CNTN5: variants seen among roughly 807,000 people sequenced by gnomAD.
CNTN5 encodes the protein contactin 5, also known as contactin-5.
In CNTN5, 77 loss-of-function variants were observed where a neutral mutation model predicts 129.1. The observed-to-expected ratio is 0.60, with a 90% confidence interval of 0.50 to 0.72. The LOEUF (loss-of-function observed/expected upper bound fraction) is 0.72. Ranked by LOEUF, CNTN5 falls within the 30% of genes least tolerant of loss-of-function variation. CNTN5 has a pLI of 0.00. For missense variants in CNTN5, 1,478 were observed against 1,328.8 expected, an observed-to-expected ratio of 1.11 and a Z score of -1.75; for synonymous variants, 509 against 465.6, an observed-to-expected ratio of 1.09 and a Z score of -1.20.
intron 16 of CNTN5, among the ~76,000 whole-genome samples, chr11:100,228,551 CT>C (rs1317933346): frequency 6.6e-6 from 1 of 152,210 alleles, no homozygotes. Context: ...TCTCTCCCAA[CT>C]CAACCACTTT....
At chr11:99,812,689 G>T (rs938606941) in intron 3 of CNTN5, among the ~76,000 whole-genome samples, 3 of 152,036 alleles carry the variant, frequency 2.0e-5, no homozygotes, top group African/African-American at 7.2e-5. Context: ...ATCTGACTTT[G>T]GAACCTCTAT....
chr11:99,643,738 A>G (rs139590659), intron 3 of CNTN5, among the ~76,000 whole-genome samples: 1 of 152,260 alleles, frequency 6.6e-6, no homozygotes, highest in African/African-American at 2.4e-5. Flanking sequence ...CCCTACATAG[A>G]TGGGAACCCT....
intron 3 of CNTN5, among the ~76,000 whole-genome samples, chr11:99,599,992 C>T (rs1288357293): frequency 6.6e-6 from 1 of 152,026 alleles, no homozygotes; most frequent in Non-Finnish European, 1.5e-5. Context: ...GACGGCAGGA[C>T]TGAAGTTGAC....
chr11:100,113,098 T>A (rs951157961), intron 13 of CNTN5, among the ~76,000 whole-genome samples: 3 of 151,670 alleles, frequency 2.0e-5, no homozygotes, highest in Non-Finnish European at 4.4e-5. Context: ...CAAATCTTAG[T>A]CTCTCTTTAA....
At chr11:100,059,249 G>A (rs914598550) in intron 9 of CNTN5, among the ~76,000 whole-genome samples, 1 of 152,096 alleles carries the variant, frequency 6.6e-6, no homozygotes, top group Non-Finnish European at 1.5e-5. Flanking sequence ...CCAGTTGGGT[G>A]AGAGATCCAA....
chr11:100,048,984 A>T (rs1942826547), intron 9 of CNTN5, among the ~76,000 whole-genome samples: 1 of 152,162 alleles, frequency 6.6e-6, no homozygotes, highest in Admixed American at 6.5e-5. Flanking sequence ...TCAAAAAATT[A>T]AATACATTTA....
At chr11:99,105,371 A>T (rs558305121) in intron 1 of CNTN5, among the ~76,000 whole-genome samples, 4 of 152,210 alleles carry the variant, frequency 2.6e-5, no homozygotes, top group African/African-American at 9.6e-5. Context: ...TGTGCAAAGA[A>T]TATGTTATGT....
chr11:99,842,956 C>T lies in CNTN5; in HGVS notation c.278-1896C>T, dbSNP rs1370172760. 3.9e-5 allele frequency among the ~76,000 whole-genome samples: 6 copies of T among 152,192 alleles called. No homozygotes were observed. In the East Asian group the frequency reaches 9.6e-4, roughly 24 times the overall value. On this transcript the variant is annotated intron_variant, in intron 4 of 24. Transcript: ENST00000524871. ...TCAAAAAAAGTGCAGCTAGGCCAGT[C>T]GAGGTGGTTCACTTCTGCATTCCCA...
intron 13 of CNTN5, among the ~76,000 whole-genome samples, chr11:100,087,676 TA>T (rs1345286841): frequency 1.3e-5 from 2 of 151,908 alleles, no homozygotes; most frequent in African/African-American, 2.4e-5. Flanking sequence ...CACACAACAG[TA>T]GTGGGGGAAC....
At chr11:99,072,909 G>A (rs905146443) in intron 1 of CNTN5, among the ~76,000 whole-genome samples, 1 of 152,126 alleles carries the variant, frequency 6.6e-6, no homozygotes, top group African/African-American at 2.4e-5. Flanking sequence ...CTCTAAAAAT[G>A]ATCACCATTT....
chr11:100,333,713 G>A (rs1180063341), intron 21 of CNTN5, among the ~76,000 whole-genome samples: 1 of 152,138 alleles, frequency 6.6e-6, no homozygotes, highest in East Asian at 1.9e-4. Context: ...AAATGGTGCT[G>A]GGATAATTGG....
At chr11:99,565,868 C>G (rs527861312) in intron 3 of CNTN5, among the ~76,000 whole-genome samples, 1 of 152,250 alleles carries the variant, frequency 6.6e-6, no homozygotes, top group East Asian at 1.9e-4. Context: ...GGGAAGTCTT[C>G]CCTTCATACC....
chr11:99,677,213 G>T (rs992116714), intron 3 of CNTN5, among the ~76,000 whole-genome samples: 5 of 152,058 alleles, frequency 3.3e-5, no homozygotes, highest in African/African-American at 9.7e-5. Flanking sequence ...ATTGGCCGTC[G>T]CTCAGACAGG....
At chr11:99,512,065 T>C (rs1326022224) in intron 2 of CNTN5, among the ~76,000 whole-genome samples, 6 of 152,092 alleles carry the variant, frequency 3.9e-5, no homozygotes, top group Admixed American at 2.0e-4. Context: ...GTTTATAAAG[T>C]CTACAGTAGT....
Position 100,334,425 on chromosome 11 carries a change from A to G in CNTN5, c.2731-6038A>G, listed in dbSNP as rs180672783. 4.1e-4 allele frequency among the ~76,000 whole-genome samples: 63 copies of G among 152,282 alleles called. 2 individuals carry two copies. In the South Asian group the frequency reaches 5.4e-3, roughly 13 times the overall value. ...TACCATTTGATCCAGCTATCCCACT[A>G]CTAGGTATCTACCCAGAGGAAAAGA... On this transcript the variant is annotated intron_variant, in intron 21 of 24. Coordinates refer to ENST00000524871, the MANE Select transcript of CNTN5 (RefSeq NM_014361.4).
At position 100,215,962 on chromosome 11, in the gene CNTN5, C is replaced by A. The variant is rs57598825; in HGVS notation, c.1885-8730C>A. Among the ~76,000 whole-genome samples, 11 of 152,128 alleles carry A rather than the reference C, an allele frequency of 7.2e-5. No individual in the cohort carries two copies. The South Asian group carries it at 1.0e-3, about 14-fold the overall frequency. ...CTCCCTCCTCTATGAGACCAGAGATCGAAGGTGAAAAAGAAATTGCTTTTA... is the reference window on the plus strand; with the variant it reads ...CTCCCTCCTCTATGAGACCAGAGATAGAAGGTGAAAAAGAAATTGCTTTTA... On this transcript the variant is annotated intron_variant, in intron 15 of 24. Coordinates refer to ENST00000524871, the MANE Select transcript of CNTN5 (RefSeq NM_014361.4).
At chr11:100,151,097 C>A (rs529851769) in intron 13 of CNTN5, among the ~76,000 whole-genome samples, 1 of 152,220 alleles carries the variant, frequency 6.6e-6, no homozygotes, top group Admixed American at 6.6e-5. Context: ...TAATGTCAAT[C>A]ATTTAAGTCT....
At chr11:99,152,254 A>G (rs1860099657) in intron 1 of CNTN5, among the ~76,000 whole-genome samples, 1 of 152,222 alleles carries the variant, frequency 6.6e-6, no homozygotes, top group Non-Finnish European at 1.5e-5. Context: ...TTTTCTGTTT[A>G]TAGTATAGCA....
chr11:99,109,563 T>A (rs1427118462), intron 1 of CNTN5, among the ~76,000 whole-genome samples: 1 of 152,162 alleles, frequency 6.6e-6, no homozygotes, highest in Admixed American at 6.6e-5. Flanking sequence ...TCCCATTCCA[T>A]CACTCTTGTT....
Sources: allele counts gnomAD v4.1 joint callset (sites outside exome capture counted in the v4.1 genomes callset), GRCh38; gene constraint gnomAD v4.1.1; transcripts MANE v1.5; gene names NCBI Gene and HGNC (gene_info 2026-07-23, HGNC 2026-07-21).